Variants in ESS2 observed in about 807,000 individuals in gnomAD.
ESS2 encodes the protein ess-2 spliceosome associated protein.
In ESS2, 31 loss-of-function variants were observed where a neutral mutation model predicts 52.0. That is an observed-to-expected ratio of 0.60 (90% CI 0.45 to 0.81). The LOEUF (loss-of-function observed/expected upper bound fraction) is 0.81. Among genes scored for constraint, ESS2 ranks in the 30% least tolerant of loss-of-function variants. The probability of loss-of-function intolerance (pLI) is 0.00; values close to 1 mark genes in which losing one functional copy is unlikely to be tolerated. For missense variants in ESS2, 602 were observed against 637.2 expected (o/e 0.94, Z 0.59); for synonymous variants, 285 against 259.2 (o/e 1.10, Z -0.95).
chr22:19,141,897 G>A (rs1193129690), intron 3 of ESS2, among the ~76,000 whole-genome samples: 1 of 152,136 alleles, frequency 6.6e-6, no homozygotes, highest in Non-Finnish European at 1.5e-5. Flanking sequence ...GCTAAGGCAG[G>A]GAGAATTGCT....
At position 19,133,005 on chromosome 22, in the gene ESS2, C is replaced by G. The variant is rs571198298; in HGVS notation, c.*1191G>C. 6.4e-6 allele frequency: 1 copy of G among 155,068 alleles called. No individual in the cohort carries two copies. The highest frequency in any genetic ancestry group is 2.4e-5 in the African/African-American group (1 of 41,588). The allele number at this position is 155,068 out of a possible 1,614,324, so 9.6% of individuals were successfully genotyped here. A position where few individuals can be genotyped will look rare whatever the true frequency, so the allele number is the denominator to read the frequency against. ...TGACCTACCCCCACTCCCTCACAAT[C>G]CCTCGCTCAGCATCCTCCTCTTCCT... On this transcript the variant is annotated 3_prime_UTR_variant, in exon 10 of 10. Coordinates refer to ENST00000252137, the MANE Select transcript of ESS2 (RefSeq NM_022719.3).
In ESS2 at chr22:19,140,601, C is replaced by A. The variant is rs202049370; in HGVS notation, c.401-577G>T. Among the ~76,000 whole-genome samples the A allele has an allele frequency of 2.9e-3, 444 of 152,248 alleles. 3 individuals carry two copies. Among genetic ancestry groups the A allele is most frequent in the African/African-American group, 9.9e-3 (410 of 41,536 alleles). On this transcript the variant is annotated intron_variant, in intron 3 of 9. Coordinates refer to ENST00000252137, the MANE Select transcript of ESS2 (RefSeq NM_022719.3). ...TAAGCCACAACCCCAAACACCCCCC[C>A]CTCCGACCAACCCTGCCACCATGGA...
chr22:19,137,314 A>G lies in ESS2; in HGVS notation c.1035+9T>C. ...GGTCGCACACAGTTCCCCCATCACC[A>G]CAACCCACCTTAAAAGCTGGGCCGG... On this transcript the variant is annotated intron_variant, in intron 8 of 9. Transcript: ENST00000252137. 6.2e-7 allele frequency: 1 copy of G among 1,606,170 alleles called. No individual in the cohort carries two copies. The highest frequency in any genetic ancestry group is 1.1e-5 in the South Asian group (1 of 90,312).
rs2285858 is a variant in ESS2, at chr22:19,133,446, C to A, written c.*750G>T. 34,999 of 152,808 alleles carry A rather than the reference C, an allele frequency of 0.23. 4,407 individuals are homozygous for A. The highest frequency in any genetic ancestry group is 0.33 in the South Asian group (1,596 of 4,830). 9.5% of individuals were successfully genotyped at this position (152,808 alleles called of 1,614,324 possible). ...GGGAGCTCCTGTTGGTGGAAGTGAC[C>A]AGGTGAGGCCAGGGCCAGCAGCATA... On this transcript the variant is annotated 3_prime_UTR_variant, in exon 10 of 10. Transcript: ENST00000252137.
chr22:19,144,345 G>A (rs930430970), intron 1 of ESS2, 161 bp downstream of exon 1: 11 of 1,436,626 alleles, frequency 7.7e-6, no homozygotes, highest in Non-Finnish European at 8.2e-6. Flanking sequence ...CACCACAGAC[G>A]TCTTCCTCTG....
rs759267150 is a variant in ESS2 at position 19,132,008 on chromosome 22, C to T, written c.*2188G>A. ...AGGTGTATGACATCTGGAGCCTGGG[C>T]GTGATCCTGTACATCATGGTCTGCG... is the stretch of plus-strand genomic sequence containing the variant. On this transcript the variant is annotated 3_prime_UTR_variant, in exon 10 of 10. Coordinates refer to ENST00000252137, the MANE Select transcript of ESS2 (RefSeq NM_022719.3). This position sits in a 1 kb window ranked among gnomAD's most constrained non-coding sequence, Gnocchi z 4.2. 3.1e-6 allele frequency: 5 copies of T among 1,614,148 alleles called. No homozygotes were observed. In the East Asian group the frequency reaches 6.7e-5, roughly 22 times the overall value.
intron 3 of ESS2, among the ~76,000 whole-genome samples, chr22:19,140,373 G>A (rs1229563131): frequency 6.6e-6 from 1 of 152,128 alleles, no homozygotes; most frequent in Non-Finnish European, 1.5e-5. Flanking sequence ...CCACCAAAGT[G>A]GTGCCAGGCC....
chr22:19,139,861 A>G lies in ESS2; in HGVS notation c.564T>C (p.Phe188=). The G allele has an allele frequency of 6.2e-7, 1 of 1,614,038 alleles. No homozygotes were observed. Among genetic ancestry groups the G allele is most frequent in the Non-Finnish European group, 8.5e-7 (1 of 1,179,968 alleles). ...HAWLYQAEEE[F]EKRQKDNLEL... ...CCCCAGACCCCAGAGACACCTTCTC[A>G]AACTCTTCCTCAGCCTGGTAGAGCC... Residue 188 remains phenylalanine, a synonymous_variant, in exon 4 of 10, where the codon TTT becomes TTC. Coordinates refer to ENST00000252137, the MANE Select transcript of ESS2 (RefSeq NM_022719.3).
Position 19,135,195 on chromosome 22 carries a change from T to C in ESS2, c.1036-20A>G, listed in dbSNP as rs1242442189. On this transcript the variant is annotated intron_variant, in intron 8 of 9. Transcript: ENST00000252137. Reference sequence around the variant, plus strand: ...CAGGATCTACAAGGTAGCAGGTGTGTGGGTAGCTGCGCCAGGCCTGCCACA... The same window carrying C: ...CAGGATCTACAAGGTAGCAGGTGTGCGGGTAGCTGCGCCAGGCCTGCCACA... The C allele has an allele frequency of 6.3e-7, 1 of 1,596,250 alleles. No individual in the cohort carries two copies. Among genetic ancestry groups the C allele is most frequent in the South Asian group, 1.1e-5 (1 of 90,482 alleles).
At chr22:19,138,055 G>A (rs1421919081) in intron 7 of ESS2, 160 bp downstream of exon 7, 1 of 985,248 alleles carries the variant, frequency 1.0e-6, no homozygotes, top group Non-Finnish European at 1.2e-6. Context: ...TGGACACCTG[G>A]CCTCTAGGGC....
At chr22:19,142,429 A>T (rs1222536500) in intron 3 of ESS2, 109 bp downstream of exon 3, 2 of 986,528 alleles carry the variant, frequency 2.0e-6, no homozygotes, top group Non-Finnish European at 3.0e-6. Flanking sequence ...AAGACCCCTC[A>T]GGAACAAGAT....
intron 1 of ESS2, among the ~76,000 whole-genome samples, chr22:19,143,759 G>A (rs1332712691): frequency 6.6e-6 from 1 of 152,218 alleles, no homozygotes; most frequent in East Asian, 1.9e-4. Flanking sequence ...GGCAGGCTGA[G>A]GCAGGAGAAT....
Position 19,130,414 on chromosome 22 carries a change from C to T in ESS2, c.*3782G>A, listed in dbSNP as rs1237335118. On this transcript the variant is annotated 3_prime_UTR_variant, in exon 10 of 10. Coordinates refer to ENST00000252137, the MANE Select transcript of ESS2 (RefSeq NM_022719.3). Reference sequence around the variant, plus strand: ...GGTTATGTGCCTACATGCAGTACAGCAATCACCTAAGTCTACTGGTAACTA... The same window carrying T: ...GGTTATGTGCCTACATGCAGTACAGTAATCACCTAAGTCTACTGGTAACTA... The T allele has an allele frequency of 1.8e-4, 39 of 221,208 alleles. No homozygotes were observed. In the Admixed American group the frequency reaches 2.3e-3, roughly 13 times the overall value. The allele number at this position is 221,208 out of a possible 1,614,324, so 13.7% of individuals were successfully genotyped here.
intron 7 of ESS2, chr22:19,137,799 C>T (rs2083609828): frequency 3.0e-6 from 3 of 985,248 alleles, no homozygotes; most frequent in African/African-American, 3.5e-5. Flanking sequence ...AGCACCAGCA[C>T]CCAAGAGCAC....
rs1349846147 is a variant in ESS2, at chr22:19,130,552, T to C, written c.*3644A>G. 4.6e-6 allele frequency: 2 copies of C among 431,962 alleles called. No individual in the cohort carries two copies. The highest frequency in any genetic ancestry group is 2.7e-5 in the Admixed American group (1 of 36,908). The allele number at this position is 431,962 out of a possible 1,614,324, so 26.8% of individuals were successfully genotyped here. On this transcript the variant is annotated 3_prime_UTR_variant, in exon 10 of 10. Coordinates refer to ENST00000252137, the MANE Select transcript of ESS2 (RefSeq NM_022719.3). ...TGTGGTACCGGAGTGATTATTTCGA[T>C]TGTATCTCCTTTACAGCTTGGTCCA...
At chr22:19,137,033 C>G (rs5747998) in intron 8 of ESS2, among the ~76,000 whole-genome samples, 125,441 of 152,044 alleles carry the variant, frequency 0.83, 52,205 homozygotes, top group South Asian at 0.93. Context: ...CAGAGCTCCT[C>G]ACGTGTCTGT....
rs576440860 is a variant in ESS2, at chr22:19,131,633, C to A, written c.*2563G>T. ...GCTCCATCATCAAGACTTACGAGAT[C>A]TTTGAGACCTCTGACGGACGGATCT... On this transcript the variant is annotated 3_prime_UTR_variant, in exon 10 of 10. Coordinates refer to ENST00000252137, the MANE Select transcript of ESS2 (RefSeq NM_022719.3). This position sits in a 1 kb window ranked among gnomAD's most constrained non-coding sequence, Gnocchi z 5.7. The A allele has an allele frequency of 2.5e-5, 41 of 1,614,140 alleles. No homozygotes were observed. The East Asian group carries it at 7.8e-4, about 31-fold the overall frequency.
rs1292593658 is a variant in ESS2 at position 19,133,170 on chromosome 22, G to C, written c.*1026C>G. On this transcript the variant is annotated 3_prime_UTR_variant, in exon 10 of 10. Coordinates refer to ENST00000252137, the MANE Select transcript of ESS2 (RefSeq NM_022719.3). ...TTCAAGCTGCTCAGCAGCCCTTGAT[G>C]ATGGCACACTGGCCGGTCTTTTGTG... 1 of 152,276 alleles carries C rather than the reference G, an allele frequency of 6.6e-6. No homozygotes were observed. The highest frequency in any genetic ancestry group is 1.5e-5 in the Non-Finnish European group (1 of 68,104). The allele number at this position is 152,276 out of a possible 1,614,324, so 9.4% of individuals were successfully genotyped here.
At chr22:19,144,160 A>C (rs1601370653) in intron 1 of ESS2, 1 of 1,072,704 alleles carries the variant, frequency 9.3e-7, no homozygotes, top group Non-Finnish European at 1.1e-6. Flanking sequence ...CTTTCCAGGA[A>C]CCCCAGCATT....
Sources: gnomAD v4.1 joint callset for allele counts (sites outside exome capture counted in the v4.1 genomes callset) on GRCh38, gnomAD v4.1.1 for gene constraint, Gnocchi (gnomAD v3.1) non-coding constraint, MANE v1.5 for transcripts, NCBI Gene and HGNC (gene_info 2026-07-23, HGNC 2026-07-21) for gene names.